FAM135B: variants seen among roughly 807,000 people sequenced by gnomAD.
FAM135B encodes the protein family with sequence similarity 135 member B.
Under a neutral mutation model 127.7 loss-of-function variants are expected in FAM135B, and 43 were observed. The ratio of observed to expected loss-of-function variants is 0.34; its 90% confidence interval spans 0.26 to 0.43. The LOEUF (loss-of-function observed/expected upper bound fraction) is 0.43. Among genes scored for constraint, FAM135B ranks in the 20% least tolerant of loss-of-function variants. The pLI is 1.00. For synonymous variants in FAM135B, 670 were observed against 665.1 expected, an observed-to-expected ratio of 1.01 and a Z score of -0.11; for missense variants, 1,558 against 1,725.6, an observed-to-expected ratio of 0.90 and a Z score of 1.72.
At chr8:138,305,839 C>CAT (rs1249722096) in intron 3 of FAM135B, among the ~76,000 whole-genome samples, 2 of 152,050 alleles carry the variant, frequency 1.3e-5, no homozygotes, top group East Asian at 1.9e-4. Context: ...TACATACACA[C>CAT]ATATATATAC....
At chr8:138,367,069 T>C (rs905111454) in intron 2 of FAM135B, among the ~76,000 whole-genome samples, 1 of 152,176 alleles carries the variant, frequency 6.6e-6, no homozygotes, top group Non-Finnish European at 1.5e-5. Flanking sequence ...CAGTCCAAAC[T>C]GCTTACTCAT....
rs149759528 is a variant in FAM135B at position 138,382,088 on chromosome 8, G to A, written c.-19-14086C>T. Among the ~76,000 whole-genome samples the A allele has an allele frequency of 1.1e-4, 17 of 152,232 alleles. 1 individual carries two copies. The East Asian group carries it at 3.1e-3, about 28-fold the overall frequency. On this transcript the variant is annotated intron_variant, in intron 1 of 19. Coordinates refer to ENST00000395297, the MANE Select transcript of FAM135B (RefSeq NM_015912.4). ...TTAGCATCTGTCATTAGCTTCACAA[G>A]TGCAGCCATGACTCAGCCCACGTCA... is the stretch of plus-strand genomic sequence containing the variant.
rs543704177 is a variant in FAM135B, at chr8:138,292,176, C to T, written c.157+18665G>A. ...AAAGCAATCCCATGTATAGTAGCTACAAAAACAATAAAATACTTAGGGACA... is the reference window on the plus strand; with the variant it reads ...AAAGCAATCCCATGTATAGTAGCTATAAAAACAATAAAATACTTAGGGACA... On this transcript the variant is annotated intron_variant, in intron 3 of 19. Coordinates refer to ENST00000395297, the MANE Select transcript of FAM135B (RefSeq NM_015912.4). Among the ~76,000 whole-genome samples, 26 of 151,924 alleles carry T rather than the reference C, an allele frequency of 1.7e-4. No homozygotes were observed. The South Asian group carries it at 5.0e-3, about 29-fold the overall frequency.
intron 2 of FAM135B, among the ~76,000 whole-genome samples, chr8:138,344,490 G>A (rs1829266294): frequency 6.6e-6 from 1 of 151,752 alleles, no homozygotes; most frequent in South Asian, 2.1e-4. Context: ...TTAACCTTCA[G>A]GTCTCCTGTT....
rs1474729061 is a variant in FAM135B at position 138,310,875 on chromosome 8, G to A, written c.123C>T (p.Pro41=). 1 of 1,613,876 alleles carries A rather than the reference G, an allele frequency of 6.2e-7. No homozygotes were observed. The highest frequency in any genetic ancestry group is 1.3e-5 in the African/African-American group (1 of 75,062). Residue 41 remains proline, a synonymous_variant, in exon 3 of 20, where the codon CCC becomes CCT. Transcript: ENST00000395297. The stretch of plus-strand genomic sequence containing the variant: ...CAGCGATGGAGGCACTCAGTCTGTG[G>A]GGGATCCTTGAAGACACCTTCAAGG... ...RVTLKVSSRI[P]HRLSASIAGQ...
At chr8:138,372,807 G>T (rs75961104) in intron 1 of FAM135B, among the ~76,000 whole-genome samples, 1 of 152,000 alleles carries the variant, frequency 6.6e-6, no homozygotes, top group African/African-American at 2.4e-5. Flanking sequence ...AAAAAATCTT[G>T]ATCAAGTGCC....
intron 14 of FAM135B, 114 bp downstream of exon 14, chr8:138,148,406 C>T (rs566329000): frequency 2.2e-5 from 18 of 830,416 alleles, no homozygotes; most frequent in African/African-American, 5.3e-5. Flanking sequence ...ACTGTCATTC[C>T]ACAGTTGCTA....
chr8:138,203,545 C>T lies in FAM135B; in HGVS notation c.670-5876G>A, dbSNP rs75370210. Reference sequence around the variant, plus strand: ...TGTTCTGATCTTACCTTCCACCTGCCGCTCCTGTCTGTGCAAGTGGGTCAT... The same window carrying T: ...TGTTCTGATCTTACCTTCCACCTGCTGCTCCTGTCTGTGCAAGTGGGTCAT... On this transcript the variant is annotated intron_variant, in intron 7 of 19. Coordinates refer to ENST00000395297, the MANE Select transcript of FAM135B (RefSeq NM_015912.4). Among the ~76,000 whole-genome samples, 1,490 of 152,200 alleles carry T rather than the reference C, an allele frequency of 9.8e-3. 30 individuals are homozygous for T. Among genetic ancestry groups the T allele is most frequent in the African/African-American group, 0.034 (1,401 of 41,518 alleles).
At position 138,151,501 on chromosome 8, in the gene FAM135B, A is replaced by T. The variant is rs374106478; in HGVS notation, c.2974T>A (p.Ser992Thr). Residue 992 changes from serine (S) to threonine (T), a missense_variant, in exon 13 of 20, where the codon TCC (serine) becomes ACC (threonine). Transcript: ENST00000395297. ...TTTTTCAAAACCTGGGAATGAACGG[A>T]ATGGGTCACAGTGGGGCACACAGTG... The part of the protein sequence containing the change: ...AGTVCPTVTH[S>T]VHSQVLKNQE... 5.9e-5 allele frequency: 96 copies of T among 1,614,098 alleles called. No homozygotes were observed. Among genetic ancestry groups the T allele is most frequent in the Middle Eastern group, 1.6e-4 (1 of 6,084 alleles).
intron 7 of FAM135B, among the ~76,000 whole-genome samples, chr8:138,240,014 G>T (rs1820616050): frequency 7.2e-6 from 1 of 138,498 alleles, no homozygotes; most frequent in African/African-American, 2.6e-5. Flanking sequence ...TGGGGGAGGG[G>T]GGAGGGATAG....
chr8:138,236,731 CA>C (rs1408230763), intron 7 of FAM135B, among the ~76,000 whole-genome samples: 1 of 152,164 alleles, frequency 6.6e-6, no homozygotes, highest in East Asian at 1.9e-4. Context: ...AGTAGATGTT[CA>C]AAAATGTGAT....
intron 9 of FAM135B, among the ~76,000 whole-genome samples, chr8:138,189,031 T>G (rs894668843): frequency 2.6e-5 from 4 of 152,174 alleles, no homozygotes; most frequent in Non-Finnish European, 4.4e-5. Flanking sequence ...GCTTGAATGT[T>G]GCCTTATTCA....
chr8:138,352,756 T>A (rs1234828365), intron 2 of FAM135B, among the ~76,000 whole-genome samples: 1 of 149,484 alleles, frequency 6.7e-6, no homozygotes, highest in African/African-American at 2.5e-5. Flanking sequence ...TTGGTTCCAT[T>A]CCATTACTGT....
intron 1 of FAM135B, among the ~76,000 whole-genome samples, chr8:138,415,475 T>C (rs1449279531): frequency 1.3e-5 from 2 of 152,158 alleles, no homozygotes; most frequent in Admixed American, 1.3e-4. Context: ...TATGGAACTT[T>C]CCAGGCCAGC....
intron 1 of FAM135B, among the ~76,000 whole-genome samples, chr8:138,424,976 CA>C (rs1466223938): frequency 2.0e-5 from 3 of 152,124 alleles, no homozygotes; most frequent in African/African-American, 7.2e-5. Context: ...TTGTAAGGCT[CA>C]ATGAGCCAGC....
intron 3 of FAM135B, among the ~76,000 whole-genome samples, chr8:138,279,934 C>T (rs1824131352): frequency 6.6e-6 from 1 of 152,176 alleles, no homozygotes; most frequent in African/African-American, 2.4e-5. Flanking sequence ...GGGGAACTTG[C>T]TTATCCCCAA....
intron 1 of FAM135B, among the ~76,000 whole-genome samples, chr8:138,470,891 C>T (rs192355743): frequency 6.6e-6 from 1 of 152,260 alleles, no homozygotes; most frequent in Middle Eastern, 3.4e-3. Flanking sequence ...TTATTTTATA[C>T]AAAACCAATA....
At chr8:138,374,323 G>C (rs897883807) in intron 1 of FAM135B, among the ~76,000 whole-genome samples, 1 of 152,196 alleles carries the variant, frequency 6.6e-6, no homozygotes, top group Non-Finnish European at 1.5e-5. Context: ...GGATGATACA[G>C]AATGGTAACT....
chr8:138,369,363 G>A (rs1830972275), intron 1 of FAM135B, among the ~76,000 whole-genome samples: 1 of 152,136 alleles, frequency 6.6e-6, no homozygotes, highest in African/African-American at 2.4e-5. Context: ...CCATTCTTGT[G>A]GTTCAGAGTG....
Sources: allele counts gnomAD v4.1 joint callset (sites outside exome capture counted in the v4.1 genomes callset), GRCh38; gene constraint gnomAD v4.1.1; transcripts MANE v1.5; gene names NCBI Gene and HGNC (gene_info 2026-07-23, HGNC 2026-07-21).